NDUFA8: variants seen among roughly 807,000 people sequenced by gnomAD.
NDUFA8 encodes the protein NADH:ubiquinone oxidoreductase subunit A8.
NDUFA8 carries 16 observed loss-of-function variants against 20.9 expected under a neutral mutation model. The ratio of observed to expected loss-of-function variants is 0.77; its 90% CI spans 0.52 to 1.16. The LOEUF is 1.16. Among genes scored for constraint, NDUFA8 ranks in the 50% most tolerant of loss-of-function variants. NDUFA8 has a pLI of 0.00. For synonymous variants in NDUFA8, 70 were observed against 76.1 expected (o/e 0.92, Z 0.41); for missense variants, 202 against 216.4 (o/e 0.93, Z 0.42).
chr9:122,149,475 A>G (rs948297225), intron 2 of NDUFA8, among the ~76,000 whole-genome samples: 1 of 152,238 alleles, frequency 6.6e-6, no homozygotes, highest in Non-Finnish European at 1.5e-5. Flanking sequence ...AGTAGCATGG[A>G]TCCCTGTTCT....
At chr9:122,156,193 T>G (rs1235291634) in intron 1 of NDUFA8, among the ~76,000 whole-genome samples, 11 of 152,338 alleles carry the variant, frequency 7.2e-5, no homozygotes, top group African/African-American at 2.2e-4. Context: ...CCGTCTCAAA[T>G]TCATTCAGAT....
rs989324756 is a variant in NDUFA8 at position 122,159,672 on chromosome 9, C to T, written c.6G>A (p.Pro2=). The change falls in exon 1 of 4, where the codon CCG becomes CCA. Residue 2 remains proline, a synonymous_variant. Coordinates refer to ENST00000373768, the MANE Select transcript of NDUFA8 (RefSeq NM_014222.3). ...CTAGAGTGGGCAGCTCCACTATCCC[C>T]GGCATGACGGCTGCAGCCCCGACCC... M[P]GIVELPTLEE... is the part of the protein sequence containing the mutation. 3.1e-6 allele frequency: 5 copies of T among 1,614,048 alleles called. No homozygotes were observed. Among genetic ancestry groups the T allele is most frequent in the East Asian group, 2.2e-5 (1 of 44,890 alleles).
intron 3 of NDUFA8, 42 bp downstream of exon 3, chr9:122,148,070 C>T (rs1828932209): frequency 6.2e-7 from 1 of 1,612,628 alleles, no homozygotes; most frequent in African/African-American, 1.3e-5. Context: ...TTTATCCCAC[C>T]CCTGAATCAG....
At chr9:122,138,591 T>C in the NDUFA8 span, among the ~76,000 whole-genome samples, 2 of 152,198 alleles carry the variant, frequency 1.3e-5, no homozygotes, top group African/African-American at 4.8e-5. Flanking sequence ...TAGGCTACTC[T>C]CTTTTGCAGA....
At chr9:122,157,907 A>C (rs1376372239) in intron 1 of NDUFA8, among the ~76,000 whole-genome samples, 1 of 152,180 alleles carries the variant, frequency 6.6e-6, no homozygotes, top group Admixed American at 6.5e-5. Flanking sequence ...TAATCCCAGC[A>C]CTTTGGGAGG....
At chr9:122,150,665 T>A (rs921789175) in intron 2 of NDUFA8, among the ~76,000 whole-genome samples, 2 of 151,902 alleles carry the variant, frequency 1.3e-5, no homozygotes, top group Non-Finnish European at 2.9e-5. Flanking sequence ...GAATAATATA[T>A]AACCATTAAG....
At chr9:122,141,514 T>C (rs142475236), downstream of NDUFA8, among the ~76,000 whole-genome samples, 224 of 152,290 alleles carry the variant, frequency 1.5e-3, no homozygotes, top group African/African-American at 5.1e-3. Flanking sequence ...GAGTCAAAGA[T>C]GCATCTCAGG....
chr9:122,133,347 G>A, the NDUFA8 span, among the ~76,000 whole-genome samples: 31 of 152,302 alleles, frequency 2.0e-4, no homozygotes, highest in African/African-American at 7.0e-4. Flanking sequence ...ATCCAGGCAG[G>A]AAAGGTGCTT....
chr9:122,159,569 C>T, intron 1 of NDUFA8, 58 bp downstream of exon 1: 1 of 1,607,664 alleles, frequency 6.2e-7, no homozygotes, highest in Non-Finnish European at 8.5e-7. Context: ...GGGGCTAGGC[C>T]CAGGCCCGAG....
intron 2 of NDUFA8, among the ~76,000 whole-genome samples, chr9:122,151,277 C>G (rs1473805104): frequency 1.3e-5 from 2 of 152,158 alleles, no homozygotes; most frequent in Non-Finnish European, 2.9e-5. Context: ...GGGAACAACC[C>G]CTCCCTGTCT....
At chr9:122,133,758 G>A in the NDUFA8 span, among the ~76,000 whole-genome samples, 5 of 152,362 alleles carry the variant, frequency 3.3e-5, no homozygotes, top group South Asian at 2.1e-4. Flanking sequence ...CAGGGCGAGC[G>A]CGTGAGGTGG....
chr9:122,133,893 G>A, the NDUFA8 span, among the ~76,000 whole-genome samples: 4 of 152,210 alleles, frequency 2.6e-5, no homozygotes, highest in South Asian at 2.1e-4. Flanking sequence ...GGTGCCCTGC[G>A]CCTGGTCCTA....
chr9:122,159,770 G>A lies in NDUFA8; in HGVS notation c.-93C>T, dbSNP rs1829158024. The A allele has an allele frequency of 4.4e-6, 7 of 1,578,964 alleles. No individual in the cohort carries two copies. In the South Asian group the frequency reaches 6.6e-5, roughly 15 times the overall value. On this transcript the variant is annotated 5_prime_UTR_variant, in exon 1 of 4. Coordinates refer to ENST00000373768, the MANE Select transcript of NDUFA8 (RefSeq NM_014222.3). ...TTTCGACCGCCGAGTGCCACACGGC[G>A]CCTGCGCATGCGCATCCGGCAACAC...
At chr9:122,150,062 ATATT>A (rs1225911870) in intron 2 of NDUFA8, among the ~76,000 whole-genome samples, 2 of 152,190 alleles carry the variant, frequency 1.3e-5, no homozygotes. Context: ...CACCTCCCAA[ATATT>A]TAAATACTAT....
intron 3 of NDUFA8, among the ~76,000 whole-genome samples, chr9:122,146,957 A>C (rs1283047661): frequency 6.6e-6 from 1 of 152,222 alleles, no homozygotes; most frequent in Non-Finnish European, 1.5e-5. Context: ...GAGGCTGAAG[A>C]AGCAGGGATG....
chr9:122,158,900 G>A (rs1322140123), intron 1 of NDUFA8, among the ~76,000 whole-genome samples: 1 of 151,850 alleles, frequency 6.6e-6, no homozygotes, highest in Non-Finnish European at 1.5e-5. Flanking sequence ...CTGGTATCTA[G>A]AAAGGACTTG....
the NDUFA8 span, among the ~76,000 whole-genome samples, chr9:122,138,422 CTTT>C: frequency 4.6e-5 from 7 of 152,158 alleles, no homozygotes; most frequent in African/African-American, 1.7e-4. Context: ...TTCTGGGCTT[CTTT>C]TTTTTCCTTT....
intron 1 of NDUFA8, among the ~76,000 whole-genome samples, chr9:122,158,695 G>GTATATATATATA (rs749512142): frequency 6.8e-6 from 1 of 147,958 alleles, no homozygotes; most frequent in African/African-American, 2.5e-5. Flanking sequence ...AATTGTGTGT[G>GTATATATATATA]TGTATATATA....
the NDUFA8 span, among the ~76,000 whole-genome samples, chr9:122,133,202 A>G: frequency 6.6e-6 from 1 of 152,228 alleles, no homozygotes; most frequent in Non-Finnish European, 1.5e-5. Context: ...CCCAGATGCC[A>G]GTAGAAAGAC....
Sources: gnomAD v4.1 joint callset for allele counts (sites outside exome capture counted in the v4.1 genomes callset) on GRCh38, gnomAD v4.1.1 for gene constraint, MANE v1.5 for transcripts, NCBI Gene and HGNC (gene_info 2026-07-23, HGNC 2026-07-21) for gene names.